The following ABCD2 variants were observed in gnomAD, a reference collection of about 807,000 sequenced individuals.
ABCD2 encodes ATP-binding cassette sub-family D member 2.
In ABCD2, 36 loss-of-function variants were observed where a neutral mutation model predicts 70.9. The ratio of observed to expected loss-of-function variants is 0.51; its 90% CI spans 0.39 to 0.67. The LOEUF is 0.67. Ranked by LOEUF, ABCD2 falls within the 30% of genes least tolerant of loss-of-function variation. The pLI is 0.00. For synonymous variants in ABCD2, 304 were observed against 306.9 expected, an observed-to-expected ratio of 0.99 and a Z score of 0.10; for missense variants, 729 against 890.2, an observed-to-expected ratio of 0.82 and a Z score of 2.30.
At chr12:39,576,073 G>C (rs528812830) in intron 8 of ABCD2, among the ~76,000 whole-genome samples, 1 of 152,144 alleles carries the variant, frequency 6.6e-6, no homozygotes, top group Non-Finnish European at 1.5e-5. Flanking sequence ...TCATATTACT[G>C]GGTACTTATG....
At chr12:39,536,382 C>A in the ABCD2 span, among the ~76,000 whole-genome samples, 1 of 152,192 alleles carries the variant, frequency 6.6e-6, no homozygotes, top group Admixed American at 6.5e-5. Flanking sequence ...GTAGAGGGGC[C>A]TGAGCAGCCA....
chr12:39,534,440 C>T, the ABCD2 span, among the ~76,000 whole-genome samples: 814 of 152,226 alleles, frequency 5.3e-3, 13 homozygotes, highest in African/African-American at 0.017. Flanking sequence ...ATTGGGCTTA[C>T]ACCAGCTTCA....
At position 39,589,160 on chromosome 12, in the gene ABCD2, G is replaced by A. The variant is rs547518498; in HGVS notation, c.1647-2863C>T. 6.6e-4 allele frequency among the ~76,000 whole-genome samples: 100 copies of A among 152,184 alleles called. 1 individual carries two copies. Among genetic ancestry groups the A allele is most frequent in the African/African-American group, 2.2e-3 (91 of 41,524 alleles). ...GCCTGGAGAGAGAAAGAAAGAGAAGGAGAGGTTTTCAAATACAAAATGTGT... is the reference window on the plus strand; with the variant it reads ...GCCTGGAGAGAGAAAGAAAGAGAAGAAGAGGTTTTCAAATACAAAATGTGT... On this transcript the variant is annotated intron_variant, in intron 6 of 9. Transcript: ENST00000308666.
chr12:39,599,668 T>C (rs534608303), intron 6 of ABCD2, among the ~76,000 whole-genome samples: 1 of 152,286 alleles, frequency 6.6e-6, no homozygotes, highest in Admixed American at 6.5e-5. Flanking sequence ...CTATGTCTGG[T>C]CTAAAAATTA....
In ABCD2 at chr12:39,604,748, C is replaced by A; in HGVS notation, c.1405+14G>T. 3.2e-6 allele frequency: 5 copies of A among 1,547,788 alleles called. No homozygotes were observed. The highest frequency in any genetic ancestry group is 4.3e-6 in the Non-Finnish European group (5 of 1,152,366). ...TTAAATATAGGAAAATATAAAAGCA[C>A]TTGAGTTTAATACCTTTAATTGCCA... On this transcript the variant is annotated intron_variant, in intron 4 of 9. Transcript: ENST00000308666.
intron 9 of ABCD2, among the ~76,000 whole-genome samples, chr12:39,570,781 G>A (rs972480153): frequency 3.3e-5 from 5 of 152,002 alleles, no homozygotes; most frequent in African/African-American, 1.2e-4. Context: ...AAGCTTCTGT[G>A]CAACAAAGAA....
chr12:39,582,090 T>G (rs1361422912), intron 7 of ABCD2, among the ~76,000 whole-genome samples: 2 of 152,206 alleles, frequency 1.3e-5, no homozygotes, highest in Non-Finnish European at 2.9e-5. Flanking sequence ...ACTTGCAAAT[T>G]TAAGTGTTTT....
At chr12:39,547,956 G>C, downstream of ABCD2, among the ~76,000 whole-genome samples, 1 of 151,984 alleles carries the variant, frequency 6.6e-6, no homozygotes, top group East Asian at 1.9e-4. Context: ...TATATGTATA[G>C]AAGGTCCCTG....
chr12:39,567,276 C>T (rs1349534066), intron 9 of ABCD2, among the ~76,000 whole-genome samples: 4 of 152,100 alleles, frequency 2.6e-5, no homozygotes, highest in Admixed American at 1.3e-4. Flanking sequence ...AAGTCTCTTT[C>T]TAGGTCTCTG....
rs916417156 is a variant in ABCD2, at chr12:39,604,668, T to C, written c.1405+94A>G. 1.9e-5 allele frequency: 18 copies of C among 965,334 alleles called. No homozygotes were observed. In the South Asian group the frequency reaches 2.2e-4, roughly 12 times the overall value. 59.8% of individuals were successfully genotyped at this position (965,334 alleles called of 1,614,324 possible). On this transcript the variant is annotated intron_variant, in intron 4 of 9. Coordinates refer to ENST00000308666, the MANE Select transcript of ABCD2 (RefSeq NM_005164.4). The stretch of plus-strand genomic sequence containing the variant: ...ATAATGTTGGTTATTTAAATGTTGG[T>C]ACTTTGTAACTACTAAAAGCTACCT...
the ABCD2 span, among the ~76,000 whole-genome samples, chr12:39,534,913 AAAG>A: frequency 3.0e-5 from 3 of 99,492 alleles, no homozygotes; most frequent in African/African-American, 1.6e-4. Flanking sequence ...AGAAAGAAAG[AAAG>A]AAAGAAAGAA....
the ABCD2 span, among the ~76,000 whole-genome samples, chr12:39,535,832 A>C: frequency 2.0e-5 from 3 of 152,208 alleles, no homozygotes; most frequent in Non-Finnish European, 2.9e-5. Context: ...TGAAAGTATA[A>C]ATTAAAAATT....
chr12:39,569,513 G>C (rs187356519), intron 9 of ABCD2, among the ~76,000 whole-genome samples: 1 of 152,272 alleles, frequency 6.6e-6, no homozygotes, highest in Admixed American at 6.5e-5. Flanking sequence ...GATTTTCCAG[G>C]TGCCGTCTGT....
chr12:39,619,315 T>A lies in ABCD2; in HGVS notation c.301A>T (p.Thr101Ser). ...AGGCAGAGCCACCCTGTTTCAGTGG[T>A]CACAAGTTTTGGAAACAAAATTTTC... is the stretch of plus-strand genomic sequence containing the variant. ...LRKILFPKLV[T>S]TETGWLCLHS... is the part of the protein sequence containing the mutation. The change falls in exon 1 of 10, where the codon ACC becomes TCC. Residue 101 changes from threonine to serine, a missense_variant. Transcript: ENST00000308666. 1 of 1,614,074 alleles carries A rather than the reference T, an allele frequency of 6.2e-7. No individual in the cohort carries two copies. The highest frequency in any genetic ancestry group is 8.5e-7 in the Non-Finnish European group (1 of 1,180,028).
chr12:39,561,224 C>T (rs867509116), intron 9 of ABCD2, among the ~76,000 whole-genome samples: 2 of 142,014 alleles, frequency 1.4e-5, no homozygotes, highest in African/African-American at 2.7e-5. Context: ...GGTGAAACCC[C>T]GTCTCTACTA....
intron 9 of ABCD2, among the ~76,000 whole-genome samples, chr12:39,562,444 C>G (rs149653218): frequency 1.7e-4 from 26 of 151,086 alleles, no homozygotes; most frequent in African/African-American, 5.8e-4. Context: ...AAATGTTTAT[C>G]TAGAATAAGA....
intron 5 of ABCD2, among the ~76,000 whole-genome samples, chr12:39,601,367 G>T (rs1166959273): frequency 6.6e-6 from 1 of 150,978 alleles, no homozygotes; most frequent in African/African-American, 2.4e-5. Flanking sequence ...TACACACATA[G>T]AATATTACAT....
At chr12:39,563,458 G>A (rs774869880) in intron 9 of ABCD2, among the ~76,000 whole-genome samples, 10 of 151,940 alleles carry the variant, frequency 6.6e-5, no homozygotes, top group Non-Finnish European at 1.3e-4. Context: ...GAATAAGAAC[G>A]CTCACTTTTG....
chr12:39,546,631 T>C (rs1453014140), downstream of ABCD2, among the ~76,000 whole-genome samples: 1 of 152,058 alleles, frequency 6.6e-6, no homozygotes, highest in Non-Finnish European at 1.5e-5. Context: ...TAAATAGTGA[T>C]TGGTTGAATG....
Sources: allele counts gnomAD v4.1 joint callset (sites outside exome capture counted in the v4.1 genomes callset), GRCh38; gene constraint gnomAD v4.1.1; transcripts MANE v1.5; gene names NCBI Gene and HGNC (gene_info 2026-07-23, HGNC 2026-07-21).